Variants in SPAG6 observed in about 807,000 individuals in gnomAD.
SPAG6 encodes the protein sperm-associated antigen 6.
SPAG6 carries 49 observed loss-of-function variants against 58.5 expected under a neutral mutation model. The observed-to-expected ratio is 0.84, with a 90% CI of 0.67 to 1.06. SPAG6 has a LOEUF of 1.06. Ranked by LOEUF, SPAG6 falls within the 50% of genes least tolerant of loss-of-function variation. The pLI is 0.00. For missense variants in SPAG6, 560 were observed against 611.3 expected (o/e 0.92, Z 0.89); for synonymous variants, 233 against 225.6 (o/e 1.03, Z -0.29).
intron 4 of SPAG6, among the ~76,000 whole-genome samples, chr10:22,377,793 T>C (rs944508013): frequency 6.6e-5 from 10 of 152,204 alleles, no homozygotes; most frequent in African/African-American, 2.2e-4. Flanking sequence ...TTACCTGTTC[T>C]AGAGAATCCC....
intron 10 of SPAG6, chr10:22,412,634 G>A (rs577515431): frequency 7.5e-6 from 4 of 536,806 alleles, no homozygotes; most frequent in South Asian, 6.3e-5. Flanking sequence ...GCAGTAGCGC[G>A]ATCTTGGCTC....
At chr10:22,389,061 C>T (rs1194565167) in intron 6 of SPAG6, 99 bp from the exon 7 acceptor site, 2 of 859,542 alleles carry the variant, frequency 2.3e-6, no homozygotes, top group East Asian at 2.6e-5. Flanking sequence ...TCAATTTCAC[C>T]AGTTGTTTTT....
chr10:22,374,376 C>T (rs1373357762), intron 4 of SPAG6, among the ~76,000 whole-genome samples: 1 of 152,010 alleles, frequency 6.6e-6, no homozygotes, highest in African/African-American at 2.4e-5. Flanking sequence ...GATGAGCATG[C>T]AGGTCATCTA....
intron 8 of SPAG6, among the ~76,000 whole-genome samples, chr10:22,394,758 G>T (rs981803400): frequency 6.6e-6 from 1 of 152,146 alleles, no homozygotes; most frequent in African/African-American, 2.4e-5. Flanking sequence ...TTGCAGACTG[G>T]AGTGCAGTGG....
At chr10:22,406,854 GCTCTT>G (rs1179624945) in intron 9 of SPAG6, among the ~76,000 whole-genome samples, 2 of 151,716 alleles carry the variant, frequency 1.3e-5, no homozygotes, top group Non-Finnish European at 2.9e-5. Flanking sequence ...AGGATAGTTA[GCTCTT>G]CTTGTTGAAT....
chr10:22,400,951 G>C (rs571546189), intron 8 of SPAG6, among the ~76,000 whole-genome samples: 1 of 151,944 alleles, frequency 6.6e-6, no homozygotes, highest in Admixed American at 6.6e-5. Context: ...ACATTTTAAG[G>C]CTTAACACAA....
intron 3 of SPAG6, among the ~76,000 whole-genome samples, chr10:22,366,299 C>T (rs972588732): frequency 6.6e-6 from 1 of 152,086 alleles, no homozygotes; most frequent in Non-Finnish European, 1.5e-5. Flanking sequence ...GTGCAAGAAG[C>T]CAGACACAAA....
chr10:22,407,204 C>T (rs1222976098), intron 9 of SPAG6, among the ~76,000 whole-genome samples: 2 of 149,758 alleles, frequency 1.3e-5, no homozygotes, highest in South Asian at 2.1e-4. Flanking sequence ...TGATTTTGCT[C>T]GTTAGTTGAT....
chr10:22,368,426 G>C (rs1837255752), intron 3 of SPAG6, 69 bp from the exon 4 acceptor site: 1 of 1,176,084 alleles, frequency 8.5e-7, no homozygotes, highest in African/African-American at 1.5e-5. Context: ...ATGTAGTTTT[G>C]GTCTATTTTA....
intron 3 of SPAG6, among the ~76,000 whole-genome samples, chr10:22,367,008 G>A (rs1428174468): frequency 3.3e-5 from 5 of 149,810 alleles, no homozygotes; most frequent in Non-Finnish European, 5.9e-5. Flanking sequence ...GGTTTTGCTG[G>A]GTTTTTTTTT....
intron 2 of SPAG6, among the ~76,000 whole-genome samples, chr10:22,349,771 T>C (rs1286300247): frequency 1.3e-5 from 2 of 152,218 alleles, no homozygotes; most frequent in African/African-American, 2.4e-5. Flanking sequence ...ACACTTTAAA[T>C]GTGCACCTGT....
At chr10:22,403,219 G>T (rs1834457835) in intron 9 of SPAG6, among the ~76,000 whole-genome samples, 1 of 151,960 alleles carries the variant, frequency 6.6e-6, no homozygotes, top group Non-Finnish European at 1.5e-5. Flanking sequence ...GTGCCGTGCT[G>T]GTGCGTTGCA....
intron 9 of SPAG6, among the ~76,000 whole-genome samples, chr10:22,409,126 C>G (rs1459760081): frequency 6.6e-6 from 1 of 152,188 alleles, no homozygotes; most frequent in East Asian, 1.9e-4. Flanking sequence ...GGAGCTGTTC[C>G]TATTCGGCCA....
intron 4 of SPAG6, among the ~76,000 whole-genome samples, chr10:22,384,928 G>A (rs1385766457): frequency 6.6e-6 from 1 of 152,098 alleles, no homozygotes; most frequent in Non-Finnish European, 1.5e-5. Context: ...TTGAGTTTTT[G>A]TTAATAGTAC....
chr10:22,412,475 A>G (rs376971022), intron 10 of SPAG6: 3 of 1,532,136 alleles, frequency 2.0e-6, no homozygotes, highest in South Asian at 1.2e-5. Flanking sequence ...AAGTTTGTGC[A>G]CTTTTTAGGA....
Position 22,416,847 on chromosome 10 carries a change from G to T in SPAG6, c.*159G>T, listed in dbSNP as rs555006977. 1.4e-5 allele frequency: 7 copies of T among 496,870 alleles called. No individual in the cohort carries two copies. The highest frequency in any genetic ancestry group is 5.6e-4 in the Middle Eastern group (1 of 1,770). The allele number at this position is 496,870 out of a possible 1,614,324, so 30.8% of individuals were successfully genotyped here. A position where few individuals can be genotyped will look rare whatever the true frequency, so the allele number is the denominator to read the frequency against. Reference sequence around the variant, plus strand: ...AATTTATGTAATACTTTAAACATTCGTAGCTTGAATATGTGAGGAACTATT... The same window carrying T: ...AATTTATGTAATACTTTAAACATTCTTAGCTTGAATATGTGAGGAACTATT... On this transcript the variant is annotated 3_prime_UTR_variant, in exon 11 of 11. Coordinates refer to ENST00000376624, the MANE Select transcript of SPAG6 (RefSeq NM_012443.4).
chr10:22,348,188 A>G (rs1836620360), intron 2 of SPAG6, among the ~76,000 whole-genome samples: 1 of 152,186 alleles, frequency 6.6e-6, no homozygotes, highest in South Asian at 2.1e-4. Context: ...ACGGGGTTCC[A>G]GCATGTTGGC....
At position 22,345,545 on chromosome 10, in the gene SPAG6, T is replaced by A; in HGVS notation, c.-67T>A. 7.2e-7 allele frequency: 1 copy of A among 1,380,670 alleles called. No homozygotes were observed. Among genetic ancestry groups the A allele is most frequent in the African/African-American group, 1.5e-5 (1 of 68,106 alleles). The allele number at this position is 1,380,670 out of a possible 1,614,324, so 85.5% of individuals were successfully genotyped here. On this transcript the variant is annotated 5_prime_UTR_variant, in exon 1 of 11. Transcript: ENST00000376624. This position sits in a 1 kb window ranked among gnomAD's most constrained non-coding sequence, Gnocchi z 6.3. ...CGAGTCGTCGCCACGATCGCCCCCT[T>A]GGTGGACTCGCAGGCCGAGCGGCTT...
chr10:22,359,722 A>G (rs1336145825), intron 2 of SPAG6, among the ~76,000 whole-genome samples: 1 of 152,250 alleles, frequency 6.6e-6, no homozygotes, highest in Non-Finnish European at 1.5e-5. Flanking sequence ...AAAAATTTTA[A>G]AAGCAGGTTA....
Sources: allele counts gnomAD v4.1 joint callset (sites outside exome capture counted in the v4.1 genomes callset), GRCh38; gene constraint gnomAD v4.1.1; non-coding constraint Gnocchi (gnomAD v3.1); transcripts MANE v1.5; gene names NCBI Gene and HGNC (gene_info 2026-07-23, HGNC 2026-07-21).